The following WWP1 variants were observed in gnomAD, a reference collection of about 807,000 sequenced individuals.
The protein encoded by WWP1 is NEDD4-like E3 ubiquitin-protein ligase WWP1.
Under a neutral mutation model 130.6 loss-of-function variants are expected in WWP1, and 49 were observed. That is an observed-to-expected ratio of 0.38 (90% CI 0.30 to 0.48). WWP1 has a LOEUF of 0.48. Among genes scored for constraint, WWP1 ranks in the 20% least tolerant of loss-of-function variants. The pLI is 0.99. For missense variants in WWP1, 809 were observed against 1,100.6 expected, an observed-to-expected ratio of 0.74 and a Z score of 3.75; for synonymous variants, 332 against 367.8, an observed-to-expected ratio of 0.90 and a Z score of 1.11.
At chr8:86,422,595 G>T (rs530824080) in intron 9 of WWP1, among the ~76,000 whole-genome samples, 1 of 151,578 alleles carries the variant, frequency 6.6e-6, no homozygotes, top group Non-Finnish European at 1.5e-5. Flanking sequence ...CTGGTCTTGA[G>T]CTCCTGACCT....
At chr8:86,425,381 AT>A in intron 10 of WWP1, 63 bp downstream of exon 10, 1 of 1,276,172 alleles carries the variant, frequency 7.8e-7, no homozygotes, top group Non-Finnish European at 1.1e-6. Flanking sequence ...TTTTAAATTT[AT>A]TTAGTACAGC....
At chr8:86,385,549 G>A (rs1263260442) in intron 5 of WWP1, among the ~76,000 whole-genome samples, 1 of 152,190 alleles carries the variant, frequency 6.6e-6, no homozygotes, top group Non-Finnish European at 1.5e-5. Context: ...AGTCCTTGAA[G>A]GCAGATTACA....
At chr8:86,363,647 A>C (rs11787036) in intron 1 of WWP1, among the ~76,000 whole-genome samples, 66,003 of 151,654 alleles carry the variant, frequency 0.44, 15,428 homozygotes, top group Non-Finnish European at 0.53. Flanking sequence ...ACGAAAAATA[A>C]ACAAATTAGC....
At chr8:86,454,942 TTTTGTCTTGTTTTGC>T (rs1811359454) in intron 21 of WWP1, among the ~76,000 whole-genome samples, 1 of 152,032 alleles carries the variant, frequency 6.6e-6, no homozygotes. Context: ...AAAATACAGA[TTTTGTCTTGTTTTGC>T]TTTGTCTTGA....
chr8:86,404,525 C>T (rs999831657), intron 8 of WWP1, among the ~76,000 whole-genome samples: 4 of 152,086 alleles, frequency 2.6e-5, no homozygotes, highest in African/African-American at 9.7e-5. Context: ...CTTATTTATT[C>T]TTGCCTAAAA....
intron 3 of WWP1, among the ~76,000 whole-genome samples, chr8:86,379,038 G>A (rs1478351766): frequency 1.3e-5 from 2 of 152,198 alleles, no homozygotes; most frequent in Non-Finnish European, 2.9e-5. Flanking sequence ...ACCCAGATAT[G>A]TCTATCCCTC....
At chr8:86,390,745 G>GGAGGGA (rs1366061441) in intron 5 of WWP1, among the ~76,000 whole-genome samples, 1 of 151,754 alleles carries the variant, frequency 6.6e-6, no homozygotes, top group African/African-American at 2.4e-5. Flanking sequence ...AGGAGGAGCG[G>GGAGGGA]GAGGGAGAGG....
intron 1 of WWP1, among the ~76,000 whole-genome samples, chr8:86,349,037 T>C (rs1822762375): frequency 6.6e-6 from 1 of 152,122 alleles, no homozygotes; most frequent in African/African-American, 2.4e-5. Flanking sequence ...GATCTTTTTT[T>C]TTGAGAGGGA....
intron 9 of WWP1, among the ~76,000 whole-genome samples, chr8:86,413,413 A>G (rs555527440): frequency 3.5e-4 from 53 of 152,250 alleles, no homozygotes; most frequent in African/African-American, 1.2e-3. Context: ...GAAGTAGACA[A>G]TCAGCCAGCA....
intron 5 of WWP1, among the ~76,000 whole-genome samples, chr8:86,384,626 A>G (rs1282455715): frequency 2.0e-5 from 3 of 152,166 alleles, no homozygotes; most frequent in African/African-American, 7.2e-5. Flanking sequence ...TTGGTTTAGT[A>G]CTTGGACTCT....
intron 21 of WWP1, among the ~76,000 whole-genome samples, chr8:86,453,726 T>G (rs1811295030): frequency 6.6e-6 from 1 of 152,212 alleles, no homozygotes; most frequent in Non-Finnish European, 1.5e-5. Context: ...TTTGGTTTTT[T>G]GCTTGTTTTT....
At chr8:86,449,687 C>G (rs981908971) in intron 20 of WWP1, among the ~76,000 whole-genome samples, 5 of 152,170 alleles carry the variant, frequency 3.3e-5, no homozygotes, top group African/African-American at 1.2e-4. Flanking sequence ...GATATTGCCT[C>G]CTACTGATGT....
intron 1 of WWP1, among the ~76,000 whole-genome samples, chr8:86,361,113 T>A (rs1452556663): frequency 6.6e-6 from 1 of 152,166 alleles, no homozygotes; most frequent in East Asian, 1.9e-4. Context: ...GTATCCTGCT[T>A]TAGAAGGATC....
At chr8:86,435,282 GT>G (rs1810227285) in intron 14 of WWP1, among the ~76,000 whole-genome samples, 169 bp from the exon 15 acceptor site, 2 of 152,062 alleles carry the variant, frequency 1.3e-5, no homozygotes, top group African/African-American at 4.8e-5. Context: ...TGCTGTAATA[GT>G]CCCCATTACT....
intron 1 of WWP1, among the ~76,000 whole-genome samples, chr8:86,347,304 G>C (rs1348980556): frequency 6.6e-6 from 1 of 152,154 alleles, no homozygotes; most frequent in Non-Finnish European, 1.5e-5. Flanking sequence ...CTTTTTGGAT[G>C]AATATGCTGA....
At chr8:86,419,634 G>A (rs1307700465) in intron 9 of WWP1, among the ~76,000 whole-genome samples, 1 of 152,142 alleles carries the variant, frequency 6.6e-6, no homozygotes, top group Non-Finnish European at 1.5e-5. Context: ...GATAAGAAAA[G>A]TTCTAGAAAG....
intron 20 of WWP1, among the ~76,000 whole-genome samples, chr8:86,449,574 A>T (rs1811062916): frequency 6.6e-6 from 1 of 152,250 alleles, no homozygotes; most frequent in Admixed American, 6.5e-5. Context: ...GGACAAAAAA[A>T]CCAGATGATT....
At chr8:86,422,055 C>CT (rs1563516898) in intron 9 of WWP1, among the ~76,000 whole-genome samples, 1 of 152,096 alleles carries the variant, frequency 6.6e-6, no homozygotes. Context: ...AAAACAGAAT[C>CT]TTTTATTGTG....
chr8:86,413,232 C>A (rs1402346729), intron 9 of WWP1, among the ~76,000 whole-genome samples: 1 of 152,126 alleles, frequency 6.6e-6, no homozygotes, highest in Non-Finnish European at 1.5e-5. Flanking sequence ...ATGTTTCAGA[C>A]CCTATATTAG....
Sources: gnomAD v4.1 joint callset for allele counts (sites outside exome capture counted in the v4.1 genomes callset) on GRCh38, gnomAD v4.1.1 for gene constraint, MANE v1.5 for transcripts, NCBI Gene and HGNC (gene_info 2026-07-23, HGNC 2026-07-21) for gene names.